The following RBFOX1 variants were observed in gnomAD, a reference collection of about 807,000 sequenced individuals.
RBFOX1 encodes the protein RNA binding fox-1 homolog 1, also known as RNA binding protein fox-1 homolog 1.
A neutral mutation model predicts 57.7 loss-of-function variants in RBFOX1; 8 were observed. The observed-to-expected ratio is 0.14, with a 90% CI of 0.08 to 0.25. The LOEUF is 0.25. RBFOX1 is among the 10% of genes least tolerant of loss of function. RBFOX1 has a pLI of 1.00. For missense variants in RBFOX1, 611 were observed against 548.5 expected, an observed-to-expected ratio of 1.11 and a Z score of -1.14; for synonymous variants, 326 against 222.4, an observed-to-expected ratio of 1.47 and a Z score of -4.15.
chr16:5,865,048 G>A (rs1219557160), intron 3 of RBFOX1, among the ~76,000 whole-genome samples: 1 of 152,182 alleles, frequency 6.6e-6, no homozygotes, highest in Admixed American at 6.5e-5. Flanking sequence ...AATAAGAGGG[G>A]CTTGATGATG....
intron 4 of RBFOX1, among the ~76,000 whole-genome samples, chr16:5,965,427 T>G (rs2059823919): frequency 6.6e-6 from 1 of 152,182 alleles, no homozygotes. Flanking sequence ...ATACGATTTT[T>G]ATTTGTCAAC....
At position 6,052,748 on chromosome 16, in the gene RBFOX1, C is replaced by T. The variant is rs183352345; in HGVS notation, c.-127+32756C>T. On this transcript the variant is annotated intron_variant, in intron 1 of 15. Transcript: ENST00000550418. ...GCAGTGAGCCGAGATCGCGCCACTG[C>T]ACTCCAGCCTGGGAGACAGAGCGAG... 3.0e-3 allele frequency among the ~76,000 whole-genome samples: 449 copies of T among 151,356 alleles called. 2 individuals are homozygous for T. The highest frequency in any genetic ancestry group is 0.014 in the Middle Eastern group (4 of 286).
At chr16:7,302,484 C>T (rs1034787869) in intron 4 of RBFOX1, among the ~76,000 whole-genome samples, 3 of 151,870 alleles carry the variant, frequency 2.0e-5, no homozygotes, top group African/African-American at 7.3e-5. Context: ...GGGTTCTGCC[C>T]CAAATATTCT....
intron 5 of RBFOX1, among the ~76,000 whole-genome samples, chr16:7,552,682 T>C (rs989469039): frequency 6.6e-5 from 10 of 152,124 alleles, no homozygotes; most frequent in African/African-American, 2.4e-4. Context: ...TTGCCACTCT[T>C]GTTTTTCTTT....
chr16:6,410,950 C>T (rs901727351), intron 2 of RBFOX1, among the ~76,000 whole-genome samples: 2 of 152,172 alleles, frequency 1.3e-5, no homozygotes, highest in African/African-American at 4.8e-5. Context: ...AAGGACACAG[C>T]AGGCATTACC....
At position 5,568,474 on chromosome 16, in the gene RBFOX1, C is replaced by T. The variant is rs540163019; in HGVS notation, c.259-30428C>T. Among the ~76,000 whole-genome samples the T allele has an allele frequency of 3.3e-5, 5 of 152,250 alleles. No individual in the cohort carries two copies. In the South Asian group the frequency reaches 8.3e-4, roughly 25 times the overall value. On this transcript the variant is annotated intron_variant, in intron 2 of 2. Coordinates refer to the RBFOX1 transcript ENST00000585867. ...TTTCCTGTATTTTTTGGTAATTTCACCATCAGTGTTCGTCAAGATGGAGCA... is the reference window on the plus strand; with the variant it reads ...TTTCCTGTATTTTTTGGTAATTTCATCATCAGTGTTCGTCAAGATGGAGCA...
chr16:7,449,097 C>G (rs1234055039), intron 4 of RBFOX1, among the ~76,000 whole-genome samples: 1 of 151,702 alleles, frequency 6.6e-6, no homozygotes, highest in Non-Finnish European at 1.5e-5. Flanking sequence ...GCCCGGCTAA[C>G]TTTGTATTTT....
At chr16:6,747,919 C>T (rs2074106359) in intron 3 of RBFOX1, among the ~76,000 whole-genome samples, 1 of 152,148 alleles carries the variant, frequency 6.6e-6, no homozygotes, top group Admixed American at 6.6e-5. Flanking sequence ...AAGCACAACA[C>T]GCTATCAACT....
intron 3 of RBFOX1, among the ~76,000 whole-genome samples, chr16:7,026,502 T>G (rs2040982210): frequency 6.6e-6 from 1 of 152,138 alleles, no homozygotes; most frequent in Non-Finnish European, 1.5e-5. Context: ...TCTTTTCTTC[T>G]TCTCTCTGTT....
At chr16:6,125,473 C>T (rs1294321966) in intron 1 of RBFOX1, among the ~76,000 whole-genome samples, 1 of 152,144 alleles carries the variant, frequency 6.6e-6, no homozygotes, top group South Asian at 2.1e-4. Context: ...GCCTCATACA[C>T]ATTTGCTCTT....
chr16:6,626,039 A>G (rs1240328694), intron 2 of RBFOX1, among the ~76,000 whole-genome samples: 1 of 152,088 alleles, frequency 6.6e-6, no homozygotes, highest in East Asian at 1.9e-4. Flanking sequence ...AGCTTCACCT[A>G]ATTTAGTTGC....
intron 1 of RBFOX1, among the ~76,000 whole-genome samples, chr16:6,261,138 A>G (rs2097699184): frequency 6.6e-6 from 1 of 152,200 alleles, no homozygotes; most frequent in Admixed American, 6.5e-5. Context: ...CACAAATTAC[A>G]GTCACTTTCT....
At chr16:5,859,690 A>G (rs1016579807) in intron 3 of RBFOX1, among the ~76,000 whole-genome samples, 3 of 152,216 alleles carry the variant, frequency 2.0e-5, no homozygotes, top group Admixed American at 6.5e-5. Context: ...CACCTTGAAC[A>G]TATTGTTTTG....
Position 7,061,826 on chromosome 16 carries a change from C to T in RBFOX1, c.27+9728C>T, listed in dbSNP as rs547344053. 3.9e-5 allele frequency among the ~76,000 whole-genome samples: 6 copies of T among 152,190 alleles called. No homozygotes were observed. The East Asian group carries it at 1.2e-3, about 29-fold the overall frequency. On this transcript the variant is annotated intron_variant, in intron 4 of 15. Transcript: ENST00000550418. ...AAGGACTTGTCTTCCTGCTCTGTTC[C>T]TTTGAGGTCTAAATACCATTTCAGG...
At chr16:5,314,937 G>A (rs1273582723) in intron 1 of RBFOX1, among the ~76,000 whole-genome samples, 1 of 151,652 alleles carries the variant, frequency 6.6e-6, no homozygotes, top group African/African-American at 2.4e-5. Flanking sequence ...TTTTTTTAAT[G>A]GAGGAAAGGA....
At chr16:5,967,248 A>C (rs888177892) in intron 4 of RBFOX1, among the ~76,000 whole-genome samples, 4 of 152,140 alleles carry the variant, frequency 2.6e-5, no homozygotes, top group African/African-American at 7.2e-5. Context: ...TTGATCTACT[A>C]ATCCCTAAAA....
chr16:5,383,503 T>A (rs1005629184), intron 1 of RBFOX1, among the ~76,000 whole-genome samples: 6 of 152,204 alleles, frequency 3.9e-5, no homozygotes, highest in Non-Finnish European at 7.3e-5. Flanking sequence ...AAAACACTAG[T>A]TGAATCATAT....
At chr16:6,673,326 G>A (rs1430209252) in intron 3 of RBFOX1, among the ~76,000 whole-genome samples, 1 of 152,192 alleles carries the variant, frequency 6.6e-6, no homozygotes, top group Non-Finnish European at 1.5e-5. Flanking sequence ...GGTGGCTCAT[G>A]CCTGTAATCC....
At chr16:6,936,672 A>G (rs2153486532) in intron 3 of RBFOX1, among the ~76,000 whole-genome samples, 1 of 152,250 alleles carries the variant, frequency 6.6e-6, no homozygotes, top group South Asian at 2.1e-4. Flanking sequence ...CACAGATACA[A>G]AACTAAGGCT....
Sources: allele counts gnomAD v4.1 joint callset (sites outside exome capture counted in the v4.1 genomes callset), GRCh38; gene constraint gnomAD v4.1.1; transcripts MANE v1.5; gene names NCBI Gene and HGNC (gene_info 2026-07-23, HGNC 2026-07-21).